Variants in IFIH1 observed in about 807,000 individuals in gnomAD.
The protein encoded by IFIH1 is interferon induced with helicase C domain 1, also known as interferon-induced helicase C domain-containing protein 1.
IFIH1 carries 125 observed loss-of-function variants against 107.4 expected under a neutral mutation model. The ratio of observed to expected loss-of-function variants is 1.16; its 90% CI spans 1.01 to 1.35. IFIH1 has a LOEUF of 1.35. Ranked by LOEUF, IFIH1 falls within the 40% of genes most tolerant of loss-of-function variation. The pLI is 0.00. For missense variants in IFIH1, 1,333 were observed against 1,213.7 expected (o/e 1.10, Z -1.46); for synonymous variants, 458 against 413.2 (o/e 1.11, Z -1.31).
At chr2:162,275,710 C>T (rs78817787) in intron 11 of IFIH1, among the ~76,000 whole-genome samples, 39 of 152,124 alleles carry the variant, frequency 2.6e-4, no homozygotes, top group Non-Finnish European at 5.0e-4. Context: ...CAGAAAGACT[C>T]AGGGTCAATG....
chr2:162,314,359 CTTCCT>C, intron 1 of IFIH1, among the ~76,000 whole-genome samples: 1 of 144,212 alleles, frequency 6.9e-6, no homozygotes, highest in African/African-American at 2.8e-5. Flanking sequence ...TCCTTCCTTT[CTTCCT>C]TCCTTCCCTC....
intron 8 of IFIH1, 88 bp downstream of exon 8, chr2:162,279,908 T>A: frequency 6.4e-6 from 5 of 784,380 alleles, no homozygotes; most frequent in Non-Finnish European, 1.1e-5. Context: ...AATAATATTT[T>A]TCAGATGGTC....
At chr2:162,284,458 A>G (rs1478870115) in intron 5 of IFIH1, among the ~76,000 whole-genome samples, 2 of 151,996 alleles carry the variant, frequency 1.3e-5, no homozygotes, top group South Asian at 2.1e-4. Context: ...TAAATGAAAT[A>G]GAGGATGCTG....
Position 162,293,606 on chromosome 2 carries a change from T to C in IFIH1, c.832A>G (p.Ser278Gly). Residue 278 changes from serine to glycine, a missense_variant, in exon 4 of 16, where the codon AGC becomes GGC. Coordinates refer to ENST00000649979, the MANE Select transcript of IFIH1 (RefSeq NM_022168.4). Reference sequence around the variant, plus strand: ...GTGCCTGAATCACTGCCCATGTTGCTGTTATGTCCAAGACTTTCATCTAAG... The same window carrying C: ...GTGCCTGAATCACTGCCCATGTTGCCGTTATGTCCAAGACTTTCATCTAAG... ...SCLDESLGHN[S>G]NMGSDSGTMG... 6.2e-7 allele frequency: 1 copy of C among 1,612,074 alleles called. No homozygotes were observed. Among genetic ancestry groups the C allele is most frequent in the Non-Finnish European group, 8.5e-7 (1 of 1,178,572 alleles).
At chr2:162,284,601 A>C (rs1435649233) in intron 5 of IFIH1, among the ~76,000 whole-genome samples, 7 of 151,946 alleles carry the variant, frequency 4.6e-5, no homozygotes, top group Non-Finnish European at 1.5e-5. Flanking sequence ...TCTTGGCTGG[A>C]TGATCCCTGA....
intron 2 of IFIH1, chr2:162,307,241 A>G (rs922808555): frequency 6.5e-6 from 1 of 154,554 alleles, no homozygotes; most frequent in Non-Finnish European, 1.4e-5. Context: ...TATAAGCATT[A>G]TGCTAATCAC....
chr2:162,315,286 A>G (rs1457596906), intron 1 of IFIH1, among the ~76,000 whole-genome samples: 1 of 152,212 alleles, frequency 6.6e-6, no homozygotes, highest in Non-Finnish European at 1.5e-5. Context: ...TTCAGAAATA[A>G]ATTCAATTAG....
intron 4 of IFIH1, among the ~76,000 whole-genome samples, chr2:162,290,473 TTGTG>T: frequency 1.3e-5 from 2 of 151,894 alleles, no homozygotes; most frequent in Non-Finnish European, 2.9e-5. Flanking sequence ...AAAAGGACTA[TTGTG>T]TTTACAATTT....
At chr2:162,296,410 T>C (rs1488439660) in intron 3 of IFIH1, among the ~76,000 whole-genome samples, 1 of 152,140 alleles carries the variant, frequency 6.6e-6, no homozygotes, top group South Asian at 2.1e-4. Flanking sequence ...TCTCTCAACA[T>C]TCTGTGTGGT....
At position 162,306,780 on chromosome 2, in the gene IFIH1, A is replaced by G. The variant is rs138188229; in HGVS notation, c.698T>C (p.Leu233Pro). 1 of 1,613,862 alleles carries G rather than the reference A, an allele frequency of 6.2e-7. No individual in the cohort carries two copies. Among genetic ancestry groups the G allele is most frequent in the Non-Finnish European group, 8.5e-7 (1 of 1,179,886 alleles). The change falls in exon 3 of 16, where the codon CTG becomes CCG. Residue 233 changes from leucine to proline, a missense_variant. Coordinates refer to ENST00000649979, the MANE Select transcript of IFIH1 (RefSeq NM_022168.4). ...CTCCATGCCCCAGACCTCCTTCTCC[A>G]GATTTGGCTGAACTGTGGTTGAAAG... ...QLLSTTVQPN[L>P]EKEVWGMENN...
At chr2:162,275,830 T>A (rs1691142406) in intron 11 of IFIH1, among the ~76,000 whole-genome samples, 1 of 152,158 alleles carries the variant, frequency 6.6e-6, no homozygotes, top group Non-Finnish European at 1.5e-5. Context: ...TTTTTTACTA[T>A]GCCCACAGTA....
chr2:162,274,277 CAG>C (rs1691106554), intron 11 of IFIH1, among the ~76,000 whole-genome samples: 1 of 152,146 alleles, frequency 6.6e-6, no homozygotes, highest in Non-Finnish European at 1.5e-5. Flanking sequence ...ATATGACAAT[CAG>C]AAGCTAAAAT....
intron 3 of IFIH1, among the ~76,000 whole-genome samples, chr2:162,294,165 G>T (rs1023854455): frequency 6.6e-6 from 1 of 151,878 alleles, no homozygotes; most frequent in African/African-American, 2.4e-5. Context: ...ATCTCAAAGA[G>T]AATTTGTTCA....
intron 7 of IFIH1, among the ~76,000 whole-genome samples, chr2:162,280,991 T>C (rs1682797829): frequency 6.6e-6 from 1 of 152,080 alleles, no homozygotes; most frequent in Non-Finnish European, 1.5e-5. Context: ...GTGTGACAAC[T>C]AGAAACTTTC....
At position 162,268,881 on chromosome 2, in the gene IFIH1, G is replaced by A. The variant is rs557362903; in HGVS notation, c.2617-604C>T. Among the ~76,000 whole-genome samples the A allele has an allele frequency of 1.9e-3, 282 of 151,900 alleles. 1 individual carries two copies. The highest frequency in any genetic ancestry group is 6.0e-3 in the African/African-American group (247 of 41,430). On this transcript the variant is annotated intron_variant, in intron 13 of 15. Transcript: ENST00000649979. ...TGGGATTGCAGGTGTGAGCCACTGC[G>A]CCAGCCTACCCATTTGTTTTAATTC...
In IFIH1 at chr2:162,273,921, A is replaced by G. The variant is rs1445840807; in HGVS notation, c.2328T>C (p.Ser776=). The change falls in exon 12 of 16, where the codon AGT becomes AGC. Residue 776 remains serine (S), a synonymous_variant. Coordinates refer to ENST00000649979, the MANE Select transcript of IFIH1 (RefSeq NM_022168.4). ...MTQNEQKEVI[S]KFRTGKINLL... ...GATTTATTTTTCCAGTGCGAAATTTACTAATGACTTCTTTTTGTTCATTCT... is the reference window on the plus strand; with the variant it reads ...GATTTATTTTTCCAGTGCGAAATTTGCTAATGACTTCTTTTTGTTCATTCT... 1.2e-6 allele frequency: 2 copies of G among 1,606,120 alleles called. No homozygotes were observed. The highest frequency in any genetic ancestry group is 1.3e-5 in the African/African-American group (1 of 74,790).
Position 162,318,284 on chromosome 2 carries a change from G to A in IFIH1, c.24C>T (p.Asp8=). 1 of 1,613,708 alleles carries A rather than the reference G, an allele frequency of 6.2e-7. No homozygotes were observed. The highest frequency in any genetic ancestry group is 8.5e-7 in the Non-Finnish European group (1 of 1,179,756). ...ACGAGATGAGATAGCGGAAATTCTC[G>A]TCTGTGGAATACCCATTCGACATCT... MSNGYST[D]ENFRYLISCF... The change falls in exon 1 of 16, where the codon GAC becomes GAT. Residue 8 remains aspartate (D), a synonymous_variant. Coordinates refer to ENST00000649979, the MANE Select transcript of IFIH1 (RefSeq NM_022168.4).
chr2:162,284,298 G>A (rs1245059999), intron 5 of IFIH1, among the ~76,000 whole-genome samples: 1 of 151,952 alleles, frequency 6.6e-6, no homozygotes, highest in Non-Finnish European at 1.5e-5. Context: ...GAAAGAGACA[G>A]CATGATGCAG....
chr2:162,293,427 C>G (rs767264671), intron 4 of IFIH1, 137 bp downstream of exon 4: 1 of 569,478 alleles, frequency 1.8e-6, no homozygotes, highest in Non-Finnish European at 3.1e-6. Flanking sequence ...TGGCAAAGTT[C>G]CAAAACTATT....
Sources: allele counts gnomAD v4.1 joint callset (sites outside exome capture counted in the v4.1 genomes callset), GRCh38; gene constraint gnomAD v4.1.1; transcripts MANE v1.5; gene names NCBI Gene and HGNC (gene_info 2026-07-23, HGNC 2026-07-21).